DNAH7: variants seen among roughly 807,000 people sequenced by gnomAD.
DNAH7 encodes the protein dynein axonemal heavy chain 7.
Under a neutral mutation model 444.6 loss-of-function variants are expected in DNAH7, and 397 were observed. That is an observed-to-expected ratio of 0.89 (90% CI 0.82 to 0.97). The LOEUF (loss-of-function observed/expected upper bound fraction) is 0.97. DNAH7 is among the 50% of genes least tolerant of loss of function. The pLI, the probability that DNAH7 is intolerant of heterozygous loss-of-function variation, is 0.00. For synonymous variants in DNAH7, 1,636 were observed against 1,624.4 expected (o/e 1.01, Z -0.17); for missense variants, 4,902 against 4,800.8 (o/e 1.02, Z -0.62).
At chr2:195,897,107 G>A (rs1179973049) in intron 29 of DNAH7, among the ~76,000 whole-genome samples, 1 of 152,098 alleles carries the variant, frequency 6.6e-6, no homozygotes, top group Non-Finnish European at 1.5e-5. Context: ...ACCTGGTATG[G>A]AGAAGAGGAA....
chr2:196,065,174 T>TA (rs1485281938), intron 1 of DNAH7, among the ~76,000 whole-genome samples: 1 of 152,210 alleles, frequency 6.6e-6, no homozygotes, highest in East Asian at 1.9e-4. Context: ...ATTTAGGATC[T>TA]ACACTGCATG....
rs1185845256 is a variant in DNAH7 at position 195,884,734 on chromosome 2, T to A, written c.5614A>T (p.Ile1872Phe). 14 of 1,614,060 alleles carry A rather than the reference T, an allele frequency of 8.7e-6. No homozygotes were observed. The highest frequency in any genetic ancestry group is 1.2e-5 in the Non-Finnish European group (14 of 1,180,028). Residue 1872 changes from isoleucine to phenylalanine, a missense_variant, in exon 35 of 65, where the codon ATT becomes TTT. By Grantham distance (21) the Ile-to-Phe change is conservative. Coordinates refer to ENST00000312428, the MANE Select transcript of DNAH7 (RefSeq NM_018897.3). ...GGACTTTCCATTAGTTCTCGAAGAA[T>A]CTTATTAAATTTCAATCGATCATCA... The part of the protein sequence containing the change: ...TDDDRLKFNK[I>F]LRELMESPIS...
chr2:195,787,555 T>C (rs367717713), intron 57 of DNAH7, among the ~76,000 whole-genome samples: 22 of 152,158 alleles, frequency 1.4e-4, no homozygotes, highest in African/African-American at 4.8e-4. Context: ...TCGAACCGAT[T>C]AGAGGTCTCT....
intron 24 of DNAH7, among the ~76,000 whole-genome samples, chr2:195,921,415 T>C (rs1425709243): frequency 6.8e-6 from 1 of 146,994 alleles, no homozygotes; most frequent in African/African-American, 2.5e-5. Flanking sequence ...TACTCAGCCA[T>C]AAAAAGGAAG....
chr2:195,783,155 T>G (rs191996406), intron 58 of DNAH7, among the ~76,000 whole-genome samples: 1 of 152,320 alleles, frequency 6.6e-6, no homozygotes, highest in Non-Finnish European at 1.5e-5. Context: ...TCCCTCTCCC[T>G]TTACCATTGA....
chr2:195,877,609 TA>T (rs1486325473), intron 36 of DNAH7, among the ~76,000 whole-genome samples: 2 of 152,206 alleles, frequency 1.3e-5, no homozygotes, highest in Non-Finnish European at 2.9e-5. Flanking sequence ...AATATTAATC[TA>T]TTCATCAAGG....
intron 1 of DNAH7, among the ~76,000 whole-genome samples, chr2:196,058,650 T>C (rs886480000): frequency 1.3e-5 from 2 of 152,122 alleles, no homozygotes; most frequent in African/African-American, 2.4e-5. Flanking sequence ...GTAAGACCTA[T>C]ACAATGAAAC....
At chr2:195,894,406 A>C (rs1217553588) in intron 30 of DNAH7, 1 of 152,236 alleles carries the variant, frequency 6.6e-6, no homozygotes, top group Non-Finnish European at 1.5e-5. Flanking sequence ...ATAGGATATG[A>C]ACATTGAAAT....
At chr2:195,855,271 A>C (rs886393043) in intron 45 of DNAH7, among the ~76,000 whole-genome samples, 4 of 152,146 alleles carry the variant, frequency 2.6e-5, no homozygotes, top group Non-Finnish European at 5.9e-5. Flanking sequence ...TTAGCAGTTA[A>C]TTTTTCCAAA....
intron 53 of DNAH7, among the ~76,000 whole-genome samples, chr2:195,807,639 G>A (rs1696774485): frequency 6.6e-6 from 1 of 152,130 alleles, no homozygotes; most frequent in Non-Finnish European, 1.5e-5. Flanking sequence ...GAAGCCAATT[G>A]AGAGCTATTA....
chr2:195,908,264 G>A (rs1687155370), intron 25 of DNAH7, among the ~76,000 whole-genome samples: 1 of 151,408 alleles, frequency 6.6e-6, no homozygotes, highest in African/African-American at 2.4e-5. Flanking sequence ...TGGAGTATGT[G>A]TGCAATTTTG....
At chr2:195,875,632 G>A in intron 38 of DNAH7, 43 bp downstream of exon 38, 1 of 1,518,102 alleles carries the variant, frequency 6.6e-7, no homozygotes, top group Non-Finnish European at 8.8e-7. Flanking sequence ...CTATTGCTAG[G>A]GAGATTTTTC....
intron 1 of DNAH7, among the ~76,000 whole-genome samples, chr2:196,060,381 C>G (rs1217487170): frequency 1.3e-5 from 2 of 152,130 alleles, no homozygotes; most frequent in Non-Finnish European, 2.9e-5. Flanking sequence ...TGTATATGTC[C>G]TCCATTCACA....
At chr2:195,768,576 A>T (rs1315884292) in intron 61 of DNAH7, among the ~76,000 whole-genome samples, 1 of 152,006 alleles carries the variant, frequency 6.6e-6, no homozygotes, top group East Asian at 1.9e-4. Flanking sequence ...GATAAAGAAG[A>T]TTTAACATTT....
intron 64 of DNAH7, among the ~76,000 whole-genome samples, chr2:195,738,335 T>C (rs895889861): frequency 3.3e-5 from 5 of 152,188 alleles, no homozygotes; most frequent in African/African-American, 7.2e-5. Flanking sequence ...CTTCTCTTTC[T>C]AAAAGCATAT....
intron 36 of DNAH7, among the ~76,000 whole-genome samples, chr2:195,878,190 T>G (rs369454406): frequency 1.6e-4 from 24 of 152,246 alleles, no homozygotes; most frequent in African/African-American, 5.8e-4. Flanking sequence ...TCACTTAGCT[T>G]GCCTACATGA....
intron 54 of DNAH7, among the ~76,000 whole-genome samples, chr2:195,806,124 C>A (rs1185237659): frequency 6.7e-6 from 1 of 149,846 alleles, no homozygotes; most frequent in Non-Finnish European, 1.5e-5. Flanking sequence ...TTTTTTAGAG[C>A]ACATTGATAT....
At chr2:196,055,819 C>A (rs1697764804) in intron 2 of DNAH7, among the ~76,000 whole-genome samples, 1 of 152,172 alleles carries the variant, frequency 6.6e-6, no homozygotes, top group Non-Finnish European at 1.5e-5. Context: ...ACCCAAGCCT[C>A]CTATACAACA....
At chr2:195,963,214 A>G (rs1161880356) in intron 17 of DNAH7, among the ~76,000 whole-genome samples, 1 of 152,212 alleles carries the variant, frequency 6.6e-6, no homozygotes, top group African/African-American at 2.4e-5. Flanking sequence ...AGTTGTACTA[A>G]CTTACCTTCC....
Sources: gnomAD v4.1 joint callset for allele counts (sites outside exome capture counted in the v4.1 genomes callset) on GRCh38, gnomAD v4.1.1 for gene constraint, MANE v1.5 for transcripts, NCBI Gene and HGNC (gene_info 2026-07-23, HGNC 2026-07-21) for gene names.